The following DOCK1 variants were observed in gnomAD, a reference collection of about 807,000 sequenced individuals.
DOCK1 encodes the protein dedicator of cytokinesis 1, also known as dedicator of cytokinesis protein 1.
DOCK1 carries 138 observed loss-of-function variants against 262.7 expected under a neutral mutation model. The ratio of observed to expected loss-of-function variants is 0.53; its 90% confidence interval spans 0.46 to 0.61. The LOEUF (loss-of-function observed/expected upper bound fraction) is 0.61, where lower values mean the gene tolerates loss of function less well. DOCK1 is among the 20% of genes least tolerant of loss of function. The probability of loss-of-function intolerance (pLI) is 0.00; values close to 1 mark genes in which losing one functional copy is unlikely to be tolerated. For synonymous variants in DOCK1, 866 were observed against 867.4 expected, an observed-to-expected ratio of 1.00 and a Z score of 0.03; for missense variants, 1,908 against 2,370.7, an observed-to-expected ratio of 0.80 and a Z score of 4.05.
chr10:127,002,179 T>C (rs1166935364), intron 10 of DOCK1, among the ~76,000 whole-genome samples: 1 of 152,196 alleles, frequency 6.6e-6, no homozygotes. Flanking sequence ...TAAGAAAATA[T>C]TTAATTTTTG....
chr10:127,096,304 G>A (rs2047907303), intron 23 of DOCK1, among the ~76,000 whole-genome samples: 1 of 152,064 alleles, frequency 6.6e-6, no homozygotes, highest in Non-Finnish European at 1.5e-5. Flanking sequence ...GGGTCGAGGG[G>A]CACCAATTGG....
chr10:127,032,585 G>A (rs561241373), intron 18 of DOCK1, among the ~76,000 whole-genome samples: 41 of 152,060 alleles, frequency 2.7e-4, no homozygotes, highest in Admixed American at 2.6e-4. Context: ...TCTCAGTCTC[G>A]CTCTGTTGCC....
At chr10:127,184,759 T>TC (rs1422891508) in intron 27 of DOCK1, among the ~76,000 whole-genome samples, 1 of 152,182 alleles carries the variant, frequency 6.6e-6, no homozygotes, top group Non-Finnish European at 1.5e-5. Flanking sequence ...TTCCACTGGT[T>TC]CATTTTCCAG....
intron 35 of DOCK1, among the ~76,000 whole-genome samples, chr10:127,379,604 T>A (rs2065716762): frequency 6.6e-6 from 1 of 152,242 alleles, no homozygotes; most frequent in South Asian, 2.1e-4. Flanking sequence ...TACTGGCTAG[T>A]GTATTGCATA....
chr10:127,384,906 C>G lies in DOCK1; in HGVS notation c.3924C>G (p.Gly1308=). Residue 1308 remains glycine (G), a synonymous_variant, in exon 38 of 52, where the codon GGC becomes GGG. Transcript: ENST00000623213. ...AAATCATCCACTACTTCGACAAAGGCAAGGTAAAACACAAAAAGCAATTGT... is the reference window on the plus strand; with the variant it reads ...AAATCATCCACTACTTCGACAAAGGGAAGGTAAAACACAAAAAGCAATTGT... ...YQEIIHYFDK[G]KMWEEAIALG... is the part of the protein sequence containing the mutation. 1 of 1,594,202 alleles carries G rather than the reference C, an allele frequency of 6.3e-7. No homozygotes were observed. The highest frequency in any genetic ancestry group is 8.5e-7 in the Non-Finnish European group (1 of 1,172,942).
intron 28 of DOCK1, among the ~76,000 whole-genome samples, chr10:127,255,723 A>C (rs562606219): frequency 6.6e-6 from 1 of 152,336 alleles, no homozygotes; most frequent in South Asian, 2.1e-4. Flanking sequence ...AATTGGGAAA[A>C]TATGCTTCTC....
rs1266969343 is a variant in DOCK1, at chr10:127,347,875, T to C, written c.3224+4129T>C. ...TTCCCTTCCCTTCCCTTCCCTTCCC[T>C]TCCCTTCCCATCCCTTCCCTTCCCC... On this transcript the variant is annotated intron_variant, in intron 31 of 51. Transcript: ENST00000623213. 5.3e-3 allele frequency among the ~76,000 whole-genome samples: 149 copies of C among 28,272 alleles called. 15 individuals are homozygous for C. The highest frequency in any genetic ancestry group is 0.014 in the East Asian group (19 of 1,406). The allele number at this position is 28,272 out of a possible 152,430, so 18.5% of individuals were successfully genotyped here.
At chr10:127,264,638 C>T (rs563547988) in intron 29 of DOCK1, among the ~76,000 whole-genome samples, 2 of 151,900 alleles carry the variant, frequency 1.3e-5, no homozygotes, top group East Asian at 1.9e-4. Flanking sequence ...CCATTTATCA[C>T]GGGAAGCTGG....
chr10:127,049,296 G>A (rs1422269393), intron 21 of DOCK1, among the ~76,000 whole-genome samples: 3 of 152,072 alleles, frequency 2.0e-5, no homozygotes, highest in Non-Finnish European at 2.9e-5. Flanking sequence ...CTAGGTGGGT[G>A]GATCAGTTGA....
chr10:127,401,965 G>A (rs1014018093), intron 38 of DOCK1, among the ~76,000 whole-genome samples: 11 of 152,208 alleles, frequency 7.2e-5, no homozygotes, highest in Non-Finnish European at 1.3e-4. Flanking sequence ...GGCCTGTTGG[G>A]TGGTTCCAAA....
chr10:127,153,138 A>G (rs1017963742), intron 27 of DOCK1, among the ~76,000 whole-genome samples: 3 of 152,220 alleles, frequency 2.0e-5, no homozygotes, highest in African/African-American at 7.2e-5. Flanking sequence ...ACTTACTCAT[A>G]ACATTTCTCA....
chr10:127,296,173 C>T (rs1297507099), intron 29 of DOCK1, among the ~76,000 whole-genome samples: 1 of 152,222 alleles, frequency 6.6e-6, no homozygotes, highest in Non-Finnish European at 1.5e-5. Flanking sequence ...CTCTCTATAC[C>T]TGACTGTGCC....
intron 27 of DOCK1, among the ~76,000 whole-genome samples, chr10:127,204,823 C>T (rs2057639631): frequency 6.6e-6 from 1 of 152,162 alleles, no homozygotes; most frequent in African/African-American, 2.4e-5. Flanking sequence ...GCCGTGATAG[C>T]CGATACCCTC....
At position 127,418,412 on chromosome 10, in the gene DOCK1, G is replaced by T; in HGVS notation, c.4563G>T (p.Thr1521=). ...ATGCCATTGAGACCATGCAGCTGAC[G>T]AACGACAAGATCAACAGCATGGTGC... ...LENAIETMQL[T]NDKINSMVQQ... The change falls in exon 45 of 52, where the codon ACG becomes ACT. Residue 1521 remains threonine, a synonymous_variant. Coordinates refer to ENST00000623213, the MANE Select transcript of DOCK1 (RefSeq NM_001290223.2). 6.2e-7 allele frequency: 1 copy of T among 1,613,758 alleles called. No homozygotes were observed. The highest frequency in any genetic ancestry group is 8.5e-7 in the Non-Finnish European group (1 of 1,179,862).
chr10:126,918,558 G>A (rs1003668120), intron 1 of DOCK1, among the ~76,000 whole-genome samples: 1 of 152,226 alleles, frequency 6.6e-6, no homozygotes, highest in African/African-American at 2.4e-5. Context: ...ATACTTAGCA[G>A]GGCCTGCCCA....
At chr10:127,154,305 T>C (rs2052813544) in intron 27 of DOCK1, among the ~76,000 whole-genome samples, 1 of 152,244 alleles carries the variant, frequency 6.6e-6, no homozygotes, top group Non-Finnish European at 1.5e-5. Flanking sequence ...CTACCCCACC[T>C]GTCCTGCTAC....
intron 23 of DOCK1, among the ~76,000 whole-genome samples, chr10:127,076,358 A>C (rs559010772): frequency 6.6e-6 from 1 of 152,130 alleles, no homozygotes; most frequent in Non-Finnish European, 1.5e-5. Flanking sequence ...AAAATTAGCT[A>C]GGCGTGGTGG....
At chr10:127,193,534 C>A (rs1255712691) in intron 27 of DOCK1, among the ~76,000 whole-genome samples, 1 of 152,094 alleles carries the variant, frequency 6.6e-6, no homozygotes, top group Non-Finnish European at 1.5e-5. Context: ...TTCCAGAGTT[C>A]AGTAGTTGTC....
At chr10:127,060,971 G>A (rs867385284) in intron 22 of DOCK1, among the ~76,000 whole-genome samples, 6 of 152,232 alleles carry the variant, frequency 3.9e-5, no homozygotes, top group Non-Finnish European at 8.8e-5. Context: ...GCTCACGCCT[G>A]TAATCCCAGC....
Sources: allele counts gnomAD v4.1 joint callset (sites outside exome capture counted in the v4.1 genomes callset), GRCh38; gene constraint gnomAD v4.1.1; transcripts MANE v1.5; gene names NCBI Gene and HGNC (gene_info 2026-07-23, HGNC 2026-07-21).